WDR17: variants seen among roughly 807,000 people sequenced by gnomAD.
WDR17 encodes WD repeat-containing protein 17.
WDR17 carries 143 observed loss-of-function variants against 161.7 expected under a neutral mutation model. The observed-to-expected ratio is 0.88, with a 90% confidence interval of 0.77 to 1.02. The LOEUF (loss-of-function observed/expected upper bound fraction) is 1.02, where lower values mean the gene tolerates loss of function less well. Among genes scored for constraint, WDR17 ranks in the 50% least tolerant of loss-of-function variants. The pLI is 0.00. For missense variants in WDR17, 1,469 were observed against 1,520.9 expected, an observed-to-expected ratio of 0.97 and a Z score of 0.57; for synonymous variants, 517 against 515.6, an observed-to-expected ratio of 1.00 and a Z score of -0.04.
chr4:176,136,509 C>G (rs890722174), intron 8 of WDR17, among the ~76,000 whole-genome samples: 5 of 151,632 alleles, frequency 3.3e-5, no homozygotes, highest in African/African-American at 1.2e-4. Context: ...CTTTCACTCT[C>G]TACATTGAGA....
intron 1 of WDR17, among the ~76,000 whole-genome samples, chr4:176,105,168 A>G (rs557247026): frequency 2.6e-5 from 4 of 152,086 alleles, no homozygotes; most frequent in Non-Finnish European, 5.9e-5. Flanking sequence ...TAAAGTTTCA[A>G]TGCAGCAAAA....
At chr4:176,103,762 G>C (rs555210551) in intron 1 of WDR17, among the ~76,000 whole-genome samples, 2 of 152,054 alleles carry the variant, frequency 1.3e-5, no homozygotes, top group East Asian at 3.9e-4. Context: ...AAAACCGAAG[G>C]GACATAAGGG....
chr4:176,162,065 T>C lies in WDR17; in HGVS notation c.2751-10T>C, dbSNP rs746829277. The C allele has an allele frequency of 6.2e-7, 1 of 1,602,864 alleles. No individual in the cohort carries two copies. The highest frequency in any genetic ancestry group is 8.5e-7 in the Non-Finnish European group (1 of 1,176,154). ...GTGTTTATATAGAATACACATTTTT[T>C]TCTTTCTAGACTCCTGCACAAAGTC... On this transcript the variant is annotated splice_polypyrimidine_tract_variant and intron_variant, in intron 20 of 28. Coordinates refer to ENST00000508596, the MANE Select transcript of WDR17 (RefSeq NM_181265.4).
intron 1 of WDR17, chr4:176,096,691 T>TG: frequency 1.2e-6 from 1 of 850,704 alleles, no homozygotes; most frequent in Non-Finnish European, 1.8e-6. Context: ...ATTTTCGCAT[T>TG]GCAAAGTTCT....
chr4:176,088,783 T>C (rs1048055688), intron 1 of WDR17, among the ~76,000 whole-genome samples: 2 of 152,158 alleles, frequency 1.3e-5, no homozygotes, highest in Non-Finnish European at 2.9e-5. Context: ...AGACTTCTGT[T>C]TTCATTCCTG....
intron 12 of WDR17, among the ~76,000 whole-genome samples, chr4:176,147,259 G>A (rs915516579): frequency 1.3e-5 from 2 of 152,056 alleles, no homozygotes; most frequent in African/African-American, 4.8e-5. Flanking sequence ...TAATACTTTT[G>A]AAGTACTACT....
Position 176,149,795 on chromosome 4 carries a change from TA to T in WDR17, c.1898-11del, listed in dbSNP as rs779632825. 23 of 1,606,906 alleles carry T rather than the reference TA, an allele frequency of 1.4e-5. No homozygotes were observed. The highest frequency in any genetic ancestry group is 2.0e-5 in the Non-Finnish European group (23 of 1,178,532). On this transcript the variant is annotated splice_polypyrimidine_tract_variant and intron_variant, in intron 13 of 28. Transcript: ENST00000508596. ...GTTCACTTTACTTAAAATAGGTTTTTATTTTCATCAGGTTTAACCTGCCATC... is the reference window on the plus strand; with the variant it reads ...GTTCACTTTACTTAAAATAGGTTTTTTTTTCATCAGGTTTAACCTGCCATC...
intron 22 of WDR17, among the ~76,000 whole-genome samples, chr4:176,165,181 A>C (rs2126861414): frequency 6.7e-6 from 1 of 148,236 alleles, no homozygotes; most frequent in African/African-American, 2.5e-5. Flanking sequence ...AAAAAAAAAA[A>C]ACCCATTACT....
chr4:176,154,209 G>C (rs1038250804), intron 17 of WDR17, among the ~76,000 whole-genome samples: 1 of 152,138 alleles, frequency 6.6e-6, no homozygotes, highest in African/African-American at 2.4e-5. Flanking sequence ...AGGCGGGCAC[G>C]GTGGCTTATG....
intron 1 of WDR17, among the ~76,000 whole-genome samples, chr4:176,077,703 A>G (rs1039575082): frequency 1.3e-5 from 2 of 151,984 alleles, no homozygotes; most frequent in Non-Finnish European, 2.9e-5. Context: ...GAGTTGGATG[A>G]TTGTATGTAT....
chr4:176,090,316 C>T (rs1480103223), intron 1 of WDR17, among the ~76,000 whole-genome samples: 2 of 151,474 alleles, frequency 1.3e-5, no homozygotes, highest in African/African-American at 4.9e-5. Context: ...TCTCTCTTTC[C>T]ACGTCATCTC....
chr4:176,115,849 A>G lies in WDR17; in HGVS notation c.177A>G (p.Lys59=), dbSNP rs780308620. The G allele has an allele frequency of 6.2e-6, 10 of 1,611,674 alleles. No individual in the cohort carries two copies. The South Asian group carries it at 6.6e-5, about 11-fold the overall frequency. Residue 59 remains lysine, a synonymous_variant, in exon 3 of 29, where the codon AAA becomes AAG. Transcript: ENST00000508596. ...TTCACGCAATTATGTCTGAACATAA[A>G]AAAACAATCACAGCAATTTCTTGGT... ...FKLHAIMSEH[K]KTITAISWCP...
At chr4:176,099,964 T>C (rs1166794519) in intron 1 of WDR17, among the ~76,000 whole-genome samples, 1 of 152,190 alleles carries the variant, frequency 6.6e-6, no homozygotes, top group Non-Finnish European at 1.5e-5. Flanking sequence ...TATACCACAT[T>C]TTCATTATCT....
At chr4:176,095,379 G>A (rs1159834807) in intron 1 of WDR17, among the ~76,000 whole-genome samples, 1 of 152,150 alleles carries the variant, frequency 6.6e-6, no homozygotes, top group Admixed American at 6.5e-5. Flanking sequence ...GCAGAAGCAA[G>A]AACCTATTCC....
intron 1 of WDR17, among the ~76,000 whole-genome samples, chr4:176,094,235 G>A (rs1232983399): frequency 6.6e-6 from 1 of 152,114 alleles, no homozygotes; most frequent in Admixed American, 6.6e-5. Context: ...TATGCCTTCA[G>A]TTCATGTGAA....
intron 11 of WDR17, among the ~76,000 whole-genome samples, chr4:176,142,778 G>A (rs6849006): frequency 0.26 from 39,983 of 152,090 alleles, 5,487 homozygotes; most frequent in African/African-American, 0.33. Context: ...AGGTACTAAA[G>A]CCTAATTATA....
In WDR17 at chr4:176,091,729, T is replaced by G. The variant is rs374828618; in HGVS notation, c.-6-19846T>G. Among the ~76,000 whole-genome samples, 32 of 152,026 alleles carry G rather than the reference T, an allele frequency of 2.1e-4. No homozygotes were observed. In the East Asian group the frequency reaches 2.3e-3, roughly 11 times the overall value. ...GAAAAGATAAATAAAATCAACAAAC[T>G]GTAAGCCAGACTAATAATAAAAAAG... On this transcript the variant is annotated intron_variant, in intron 1 of 28. Transcript: ENST00000508596.
At chr4:176,096,662 T>C (rs1391085592) in intron 1 of WDR17, 1 of 1,196,978 alleles carries the variant, frequency 8.4e-7, no homozygotes, top group Admixed American at 2.2e-5. Flanking sequence ...TTTATATCTG[T>C]GTCATTTATA....
At chr4:176,177,294 T>G in intron 27 of WDR17, 138 bp downstream of exon 27, 1 of 978,400 alleles carries the variant, frequency 1.0e-6, no homozygotes, top group Non-Finnish European at 1.5e-6. Flanking sequence ...CAGTAATAAT[T>G]TACAATACCG....
Sources: allele counts gnomAD v4.1 joint callset (sites outside exome capture counted in the v4.1 genomes callset), GRCh38; gene constraint gnomAD v4.1.1; transcripts MANE v1.5; gene names NCBI Gene and HGNC (gene_info 2026-07-23, HGNC 2026-07-21).